Variants in EBF1 observed in about 807,000 individuals in gnomAD.
The protein encoded by EBF1 is EBF transcription factor 1, also known as transcription factor COE1.
A neutral mutation model predicts 68.4 loss-of-function variants in EBF1; 10 were observed. The observed-to-expected ratio is 0.15, with a 90% CI of 0.09 to 0.25. EBF1 has a LOEUF of 0.25. Among genes scored for constraint, EBF1 ranks in the 10% least tolerant of loss-of-function variants. The pLI, the probability that EBF1 is intolerant of heterozygous loss-of-function variation, is 1.00. For synonymous variants in EBF1, 298 were observed against 299.8 expected (o/e 0.99, Z 0.06); for missense variants, 509 against 794.4 (o/e 0.64, Z 4.32).
In EBF1 at chr5:158,702,657, T is replaced by C. The variant is rs533877586; in HGVS notation, c.1745-3515A>G. 3.0e-5 allele frequency among the ~76,000 whole-genome samples: 4 copies of C among 134,082 alleles called. No individual in the cohort carries two copies. The South Asian group carries it at 6.8e-4, about 23-fold the overall frequency. 88.0% of individuals were successfully genotyped at this position (134,082 alleles called of 152,430 possible). On this transcript the variant is annotated intron_variant, in intron 15 of 15. Transcript: ENST00000313708. Reference sequence around the variant, plus strand: ...CACTCAGGAGGCTGAGGCAGGAGAATGGCATGAACCTGGGAGGCAGAGCTT... The same window carrying C: ...CACTCAGGAGGCTGAGGCAGGAGAACGGCATGAACCTGGGAGGCAGAGCTT...
At chr5:158,909,695 T>C (rs977256116) in intron 6 of EBF1, among the ~76,000 whole-genome samples, 11 of 151,874 alleles carry the variant, frequency 7.2e-5, no homozygotes, top group Non-Finnish European at 1.6e-4. Context: ...TCCCAGCACT[T>C]TGGGAGGCCG....
chr5:158,959,484 G>T (rs1349351892), intron 6 of EBF1, among the ~76,000 whole-genome samples: 3 of 151,962 alleles, frequency 2.0e-5, no homozygotes, highest in African/African-American at 7.3e-5. Context: ...TAGAGATGGG[G>T]TTTCACCATG....
chr5:158,712,749 T>C (rs765126308), intron 13 of EBF1, among the ~76,000 whole-genome samples: 3 of 152,206 alleles, frequency 2.0e-5, no homozygotes, highest in Non-Finnish European at 1.5e-5. Flanking sequence ...AAGTCAAATG[T>C]AGAGAGATGG....
chr5:158,849,363 A>G (rs1397293614), intron 6 of EBF1, among the ~76,000 whole-genome samples: 7 of 152,102 alleles, frequency 4.6e-5, no homozygotes, highest in Admixed American at 4.6e-4. Flanking sequence ...TGCCTTCACC[A>G]TAGGCTGCCT....
rs182787283 is a variant in EBF1, at chr5:158,992,173, G to A, written c.554+81223C>T. Among the ~76,000 whole-genome samples, 80 of 149,328 alleles carry A rather than the reference G, an allele frequency of 5.4e-4. 1 individual carries two copies. The highest frequency in any genetic ancestry group is 1.9e-3 in the African/African-American group (77 of 40,432). ...ATGAAGCAACAGCTTATTCAACTAA[G>A]ACTTTCCTCAACGTTTGCCTTCCAG... is the stretch of plus-strand genomic sequence containing the variant. On this transcript the variant is annotated intron_variant, in intron 6 of 15. Transcript: ENST00000313708.
At chr5:158,747,186 C>G (rs1228836388) in intron 10 of EBF1, among the ~76,000 whole-genome samples, 1 of 152,188 alleles carries the variant, frequency 6.6e-6, no homozygotes, top group Non-Finnish European at 1.5e-5. Context: ...TGAATCACAA[C>G]TAAAACTCAA....
chr5:158,730,029 G>A (rs1057088739), intron 11 of EBF1, among the ~76,000 whole-genome samples: 1 of 152,180 alleles, frequency 6.6e-6, no homozygotes, highest in Non-Finnish European at 1.5e-5. Flanking sequence ...AAGCTAAGAA[G>A]GATGGCAACT....
chr5:158,885,459 C>A (rs1004397303), intron 6 of EBF1, among the ~76,000 whole-genome samples: 2 of 152,158 alleles, frequency 1.3e-5, no homozygotes, highest in African/African-American at 2.4e-5. Context: ...TTGCTTTGGG[C>A]TGATGGAGCT....
chr5:158,812,133 C>A (rs1232991659), intron 8 of EBF1, among the ~76,000 whole-genome samples: 1 of 152,190 alleles, frequency 6.6e-6, no homozygotes, highest in African/African-American at 2.4e-5. Flanking sequence ...TGCCTTATCA[C>A]CTCTGTAGCC....
At chr5:158,832,538 A>C (rs1411850107) in intron 7 of EBF1, among the ~76,000 whole-genome samples, 1 of 152,240 alleles carries the variant, frequency 6.6e-6, no homozygotes, top group African/African-American at 2.4e-5. Context: ...CTGTTGGTAG[A>C]GAATTTAATT....
chr5:158,779,927 A>C (rs765852943), intron 9 of EBF1, among the ~76,000 whole-genome samples: 4 of 152,182 alleles, frequency 2.6e-5, no homozygotes, highest in Admixed American at 6.5e-5. Flanking sequence ...TAATTGCCCT[A>C]ACTAAAGCAG....
chr5:158,746,383 G>A (rs1407647578), intron 10 of EBF1, among the ~76,000 whole-genome samples: 1 of 152,152 alleles, frequency 6.6e-6, no homozygotes, highest in Non-Finnish European at 1.5e-5. Flanking sequence ...GAGGATGAAA[G>A]AATTTTAAGC....
At chr5:159,073,030 T>C (rs1389028968) in intron 6 of EBF1, among the ~76,000 whole-genome samples, 6 of 152,198 alleles carry the variant, frequency 3.9e-5, no homozygotes, top group Non-Finnish European at 5.9e-5. Context: ...TCAAACATTT[T>C]TCAAATAAAA....
At chr5:158,839,910 G>C in intron 7 of EBF1, 119 bp downstream of exon 7, 2 of 882,714 alleles carry the variant, frequency 2.3e-6, no homozygotes, top group Non-Finnish European at 1.9e-6. Context: ...GGGGACCAAG[G>C]GCCTCAGCTG....
At chr5:158,948,844 TC>T (rs1356533087) in intron 6 of EBF1, among the ~76,000 whole-genome samples, 1 of 152,186 alleles carries the variant, frequency 6.6e-6, no homozygotes, top group African/African-American at 2.4e-5. Flanking sequence ...CGGACCTTCC[TC>T]CCCTACTTCA....
chr5:158,865,388 C>G (rs922985027), intron 6 of EBF1, among the ~76,000 whole-genome samples: 5 of 152,182 alleles, frequency 3.3e-5, no homozygotes, highest in African/African-American at 1.2e-4. Context: ...CTTTCTAAGC[C>G]TCTGCCTCCT....
intron 6 of EBF1, among the ~76,000 whole-genome samples, chr5:159,051,597 G>C (rs1392871934): frequency 6.6e-6 from 1 of 151,772 alleles, no homozygotes; most frequent in Admixed American, 6.6e-5. Flanking sequence ...GCCCGGCTCG[G>C]TGCTCCGCTG....
intron 4 of EBF1, among the ~76,000 whole-genome samples, chr5:159,088,266 T>A (rs1188197534): frequency 6.6e-6 from 1 of 152,146 alleles, no homozygotes; most frequent in East Asian, 1.9e-4. Context: ...ATAAATTCAT[T>A]TTGATGAATG....
At chr5:158,741,851 G>A (rs1319308611) in intron 10 of EBF1, among the ~76,000 whole-genome samples, 1 of 152,188 alleles carries the variant, frequency 6.6e-6, no homozygotes, top group Non-Finnish European at 1.5e-5. Flanking sequence ...TACAACAGCA[G>A]CAACAGCAGC....
Sources: gnomAD v4.1 joint callset for allele counts (sites outside exome capture counted in the v4.1 genomes callset) on GRCh38, gnomAD v4.1.1 for gene constraint, MANE v1.5 for transcripts, NCBI Gene and HGNC (gene_info 2026-07-23, HGNC 2026-07-21) for gene names.